The following CPNE4 variants were observed in gnomAD, a reference collection of about 807,000 sequenced individuals.
CPNE4 encodes copine 4.
A neutral mutation model predicts 67.9 loss-of-function variants in CPNE4; 25 were observed. The observed-to-expected ratio is 0.37, with a 90% CI of 0.27 to 0.51. The LOEUF (loss-of-function observed/expected upper bound fraction) is 0.51, where lower values mean the gene tolerates loss of function less well. Among genes scored for constraint, CPNE4 ranks in the 20% least tolerant of loss-of-function variants. The probability of loss-of-function intolerance (pLI) is 0.93; values close to 1 mark genes in which losing one functional copy is unlikely to be tolerated. For missense variants in CPNE4, 464 were observed against 690.8 expected, an observed-to-expected ratio of 0.67 and a Z score of 3.68; for synonymous variants, 242 against 244.9, an observed-to-expected ratio of 0.99 and a Z score of 0.11.
chr3:131,986,231 G>A (rs2073037703), intron 1 of CPNE4, among the ~76,000 whole-genome samples: 1 of 152,160 alleles, frequency 6.6e-6, no homozygotes. Flanking sequence ...AGTCAGGGAG[G>A]AAACAGAACC....
At chr3:131,666,874 G>A (rs11917799) in intron 7 of CPNE4, among the ~76,000 whole-genome samples, 50,145 of 151,992 alleles carry the variant, frequency 0.33, 8,639 homozygotes, top group African/African-American at 0.4. Context: ...ACAGTGCTTA[G>A]ACCTTGTTTA....
intron 2 of CPNE4, among the ~76,000 whole-genome samples, chr3:131,822,352 AGACT>A (rs1244246547): frequency 2.0e-5 from 3 of 152,238 alleles, no homozygotes; most frequent in Admixed American, 6.5e-5. Flanking sequence ...AGATTAGCAT[AGACT>A]GACTAACCCT....
chr3:131,648,640 A>G (rs914127893), intron 7 of CPNE4, among the ~76,000 whole-genome samples: 3 of 152,254 alleles, frequency 2.0e-5, no homozygotes, highest in Non-Finnish European at 2.9e-5. Context: ...TAGTTTAAAT[A>G]TTTGAAATTG....
chr3:131,996,739 A>C (rs1318073906), intron 1 of CPNE4, among the ~76,000 whole-genome samples: 1 of 152,090 alleles, frequency 6.6e-6, no homozygotes, highest in Non-Finnish European at 1.5e-5. Flanking sequence ...TTTCATTGTC[A>C]TAGTTCTGTA....
chr3:131,753,366 A>G (rs1185701812), intron 2 of CPNE4, among the ~76,000 whole-genome samples: 2 of 152,118 alleles, frequency 1.3e-5, no homozygotes. Context: ...TGTTAGGGAA[A>G]AAGGAATCAT....
chr3:131,653,647 T>A (rs1013863771), intron 7 of CPNE4, among the ~76,000 whole-genome samples: 4 of 152,180 alleles, frequency 2.6e-5, no homozygotes, highest in Non-Finnish European at 4.4e-5. Flanking sequence ...TCTGTTTACC[T>A]CACTAACCTT....
chr3:131,845,749 C>T (rs1032464835), intron 2 of CPNE4, among the ~76,000 whole-genome samples: 2 of 152,122 alleles, frequency 1.3e-5, no homozygotes, highest in Non-Finnish European at 2.9e-5. Context: ...TCGATGAGGG[C>T]ATAAAATTAT....
chr3:131,885,718 G>A (rs973562431), intron 2 of CPNE4, among the ~76,000 whole-genome samples: 5 of 151,870 alleles, frequency 3.3e-5, no homozygotes. Flanking sequence ...AGTCCCCACA[G>A]TGTGATGTTC....
At chr3:131,784,031 T>C (rs1560303024) in intron 2 of CPNE4, among the ~76,000 whole-genome samples, 1 of 152,138 alleles carries the variant, frequency 6.6e-6, no homozygotes, top group African/African-American at 2.4e-5. Flanking sequence ...GCTCAGCAAA[T>C]ATACAATATA....
chr3:131,547,184 T>C (rs1480061648), intron 14 of CPNE4, among the ~76,000 whole-genome samples: 1 of 151,988 alleles, frequency 6.6e-6, no homozygotes, highest in Admixed American at 6.6e-5. Flanking sequence ...GCCAGATGCA[T>C]TGGCTCATGC....
At chr3:131,741,383 A>T (rs1490659605) in intron 2 of CPNE4, among the ~76,000 whole-genome samples, 1 of 152,130 alleles carries the variant, frequency 6.6e-6, no homozygotes, top group Non-Finnish European at 1.5e-5. Context: ...AGACAGTCTG[A>T]GAATGTGCTG....
chr3:131,927,259 A>C (rs571122319), intron 1 of CPNE4, among the ~76,000 whole-genome samples: 12 of 152,254 alleles, frequency 7.9e-5, no homozygotes, highest in African/African-American at 2.9e-4. Flanking sequence ...TCTGTCATCA[A>C]AGTCTTGTGT....
intron 2 of CPNE4, among the ~76,000 whole-genome samples, chr3:131,822,623 T>C (rs1164478448): frequency 1.3e-5 from 2 of 152,170 alleles, no homozygotes; most frequent in Non-Finnish European, 2.9e-5. Flanking sequence ...AGACACAATT[T>C]TACAGAGTCA....
intron 1 of CPNE4, among the ~76,000 whole-genome samples, chr3:132,032,416 C>G (rs760843467): frequency 3.7e-4 from 57 of 152,188 alleles, no homozygotes; most frequent in Non-Finnish European, 7.8e-4. Context: ...CTCACACAAT[C>G]ATACAAAACT....
chr3:131,871,502 T>C (rs894447884), intron 2 of CPNE4, among the ~76,000 whole-genome samples: 4 of 152,142 alleles, frequency 2.6e-5, no homozygotes, highest in African/African-American at 9.7e-5. Flanking sequence ...CAGCTTTTTA[T>C]GCTCACACCC....
In CPNE4 at chr3:131,960,201, C is replaced by T. The variant is rs149064041; in HGVS notation, c.-1-54757G>A. On this transcript the variant is annotated intron_variant, in intron 1 of 15. Transcript: ENST00000429747. The stretch of plus-strand genomic sequence containing the variant: ...TTTATAATCATATTACTTCAGAAAC[C>T]GTTACTGCTTGAAAAATGCTGGTAA... Among the ~76,000 whole-genome samples the T allele has an allele frequency of 5.0e-3, 758 of 151,948 alleles. 8 individuals are homozygous for T. Among genetic ancestry groups the T allele is most frequent in the African/African-American group, 0.017 (695 of 41,392 alleles).
At chr3:131,680,441 G>GA (rs1430718747) in intron 6 of CPNE4, among the ~76,000 whole-genome samples, 3 of 151,928 alleles carry the variant, frequency 2.0e-5, no homozygotes, top group East Asian at 1.9e-4. Context: ...AACAAGCAAA[G>GA]AAAAAATTAA....
rs1016458609 is a variant in CPNE4, at chr3:131,675,159, T to C, written c.592-5395A>G. ...TTATTGATTTCTAGTTTTATGCCAT[T>C]GTCATCAGATATGATACTTGATATT... On this transcript the variant is annotated intron_variant, in intron 6 of 15. Coordinates refer to ENST00000429747, the MANE Select transcript of CPNE4 (RefSeq NM_130808.3). Among the ~76,000 whole-genome samples, 4 of 152,154 alleles carry C rather than the reference T, an allele frequency of 2.6e-5. No individual in the cohort carries two copies. In the East Asian group the frequency reaches 5.8e-4, roughly 22 times the overall value.
At chr3:131,723,327 G>A in intron 3 of CPNE4, 119 bp downstream of exon 3, 6 of 905,980 alleles carry the variant, frequency 6.6e-6, no homozygotes, top group Admixed American at 4.8e-5. Context: ...AATGCTGCAT[G>A]TTAAAGAAAA....
Sources: allele counts gnomAD v4.1 joint callset (sites outside exome capture counted in the v4.1 genomes callset), GRCh38; gene constraint gnomAD v4.1.1; transcripts MANE v1.5; gene names NCBI Gene and HGNC (gene_info 2026-07-23, HGNC 2026-07-21).